The following S100PBP variants were observed in gnomAD, a reference collection of about 807,000 sequenced individuals.
S100PBP encodes the protein S100P binding protein, also known as S100P-binding protein.
In S100PBP, 15 loss-of-function variants were observed where a neutral mutation model predicts 39.9. That is an observed-to-expected ratio of 0.38 (90% CI 0.25 to 0.58). The LOEUF (loss-of-function observed/expected upper bound fraction) is 0.58, where lower values mean the gene tolerates loss of function less well. Among genes scored for constraint, S100PBP ranks in the 20% least tolerant of loss-of-function variants. The probability of loss-of-function intolerance (pLI) is 0.70; values close to 1 mark genes in which losing one functional copy is unlikely to be tolerated. For synonymous variants in S100PBP, 178 were observed against 180.3 expected (o/e 0.99, Z 0.10); for missense variants, 504 against 487.3 (o/e 1.03, Z -0.32).
intron 1 of S100PBP, among the ~76,000 whole-genome samples, chr1:32,821,672 T>C (rs1006625327): frequency 2.0e-5 from 3 of 150,862 alleles, no homozygotes; most frequent in Admixed American, 6.6e-5. Context: ...TTTTACTCTG[T>C]CACCCAGGCT....
rs1640888401 is a variant in S100PBP at position 32,858,109 on chromosome 1, T to C, written c.*2071T>C. On this transcript the variant is annotated 3_prime_UTR_variant, in exon 7 of 7. Transcript: ENST00000373475. ...TAGTTAAAATTAAATGTAGTTGGAA[T>C]AGCTAGCATTGCAGCTACAGTAGGG... The C allele has an allele frequency of 6.6e-6, 1 of 152,548 alleles. No homozygotes were observed. The highest frequency in any genetic ancestry group is 1.5e-5 in the Non-Finnish European group (1 of 68,042). The allele number at this position is 152,548 out of a possible 1,614,324, so 9.4% of individuals were successfully genotyped here. A position where few individuals can be genotyped will look rare whatever the true frequency, so the allele number is the denominator to read the frequency against.
chr1:32,843,550 A>T (rs1640218117), intron 5 of S100PBP, among the ~76,000 whole-genome samples: 2 of 151,848 alleles, frequency 1.3e-5, no homozygotes, highest in South Asian at 4.2e-4. Context: ...TCCGCCTTCC[A>T]TGTTCAAGCG....
At chr1:32,842,511 G>A (rs1022533369) in intron 5 of S100PBP, among the ~76,000 whole-genome samples, 18 of 151,682 alleles carry the variant, frequency 1.2e-4, no homozygotes, top group African/African-American at 3.6e-4. Flanking sequence ...TAGAATTAGC[G>A]TATCAATTTC....
Position 32,856,473 on chromosome 1 carries a change from A to G in S100PBP, c.*435A>G, listed in dbSNP as rs1481743316. 1 of 154,954 alleles carries G rather than the reference A, an allele frequency of 6.5e-6. No individual in the cohort carries two copies. The highest frequency in any genetic ancestry group is 1.4e-5 in the Non-Finnish European group (1 of 69,672). 9.6% of individuals were successfully genotyped at this position (154,954 alleles called of 1,614,324 possible). On this transcript the variant is annotated 3_prime_UTR_variant, in exon 7 of 7. Transcript: ENST00000373475. ...ACCAGGCTGTGAGCCAGTGTTAGAT[A>G]ACTTGTGAATGGATATAAGTTACTT...
At chr1:32,847,344 A>G (rs776483044) in intron 5 of S100PBP, 33 of 152,170 alleles carry the variant, frequency 2.2e-4, no homozygotes, top group Admixed American at 2.0e-3. Flanking sequence ...TTATAGACTT[A>G]TAAGAAGTTT....
chr1:32,834,110 C>A, intron 5 of S100PBP: 1 of 221,416 alleles, frequency 4.5e-6, no homozygotes, highest in Non-Finnish European at 1.0e-5. Context: ...CCAGATGGTC[C>A]TGCCCCAAAA....
At position 32,826,532 on chromosome 1, in the gene S100PBP, A is replaced by G. The variant is rs1418892450; in HGVS notation, c.433A>G (p.Lys145Glu). The G allele has an allele frequency of 6.2e-7, 1 of 1,613,928 alleles. No individual in the cohort carries two copies. Among genetic ancestry groups the G allele is most frequent in the Non-Finnish European group, 8.5e-7 (1 of 1,180,038 alleles). Residue 145 changes from lysine to glutamate, a missense_variant, in exon 3 of 7, where the codon AAA becomes GAA. Transcript: ENST00000373475. Reference protein sequence around the residue: ...RRSVLEKNLIKVTVAPFNPTV... With the variant: ...RRSVLEKNLIEVTVAPFNPTV... ...CTCTGTACTAGAAAAGAATCTTATA[A>G]AAGTAACTGTTGCACCATTTAATCC...
chr1:32,829,932 GT>G, intron 4 of S100PBP, 31 bp from the exon 5 acceptor site: 1 of 1,493,588 alleles, frequency 6.7e-7, no homozygotes, highest in Non-Finnish European at 9.3e-7. Flanking sequence ...CTAATGGGCT[GT>G]TTTTCTTTTT....
chr1:32,821,429 C>G (rs1156787465), intron 1 of S100PBP, among the ~76,000 whole-genome samples: 5 of 151,686 alleles, frequency 3.3e-5, no homozygotes, highest in Admixed American at 2.0e-4. Context: ...TCAAACAGTT[C>G]CCCTGCCTCA....
chr1:32,827,058 C>A, intron 3 of S100PBP, 128 bp downstream of exon 3: 1 of 636,524 alleles, frequency 1.6e-6, no homozygotes. Flanking sequence ...TCCTACACCA[C>A]AGTGGTACAT....
At chr1:32,824,152 C>T (rs1051788910) in intron 1 of S100PBP, among the ~76,000 whole-genome samples, 2 of 149,930 alleles carry the variant, frequency 1.3e-5, no homozygotes, top group Non-Finnish European at 3.0e-5. Context: ...GAGCCAAGAT[C>T]GCAAGATCGT....
At chr1:32,817,396 G>T (rs571076041), upstream of S100PBP, 8 of 916,890 alleles carry the variant, frequency 8.7e-6, no homozygotes, top group African/African-American at 1.6e-5. Context: ...GGACCCCTCC[G>T]GCAGCGGCCG....
At position 32,852,109 on chromosome 1, in the gene S100PBP, T is replaced by TG. The variant is rs1431306468; in HGVS notation, c.1025-968dup. Among the ~76,000 whole-genome samples the TG allele has an allele frequency of 7.2e-5, 11 of 152,216 alleles. No individual in the cohort carries two copies. In the East Asian group the frequency reaches 9.7e-4, roughly 13 times the overall value. On this transcript the variant is annotated intron_variant, in intron 5 of 6. Coordinates refer to ENST00000373475, the MANE Select transcript of S100PBP (RefSeq NM_022753.4). ...GGGAGGATCATTTGAGGTCAGGAAT[T>TG]GGAGTCCAGCCTCGCCAACATGATG...
Position 32,828,565 on chromosome 1 carries a change from A to T in S100PBP, c.920+484A>T, listed in dbSNP as rs557275815. Among the ~76,000 whole-genome samples the T allele has an allele frequency of 2.0e-5, 3 of 152,274 alleles. No homozygotes were observed. The South Asian group carries it at 6.2e-4, about 32-fold the overall frequency. ...CAATTTATTCTCTGGTTGCCAGGAG[A>T]TGGCAGTATCTTTACATGGTCCTTT... On this transcript the variant is annotated intron_variant, in intron 4 of 6. Coordinates refer to ENST00000373475, the MANE Select transcript of S100PBP (RefSeq NM_022753.4).
chr1:32,824,506 C>T (rs1639232832), intron 1 of S100PBP, among the ~76,000 whole-genome samples: 1 of 151,706 alleles, frequency 6.6e-6, no homozygotes. Context: ...AAAGTCCAAC[C>T]TTGACCTACC....
In S100PBP at chr1:32,828,030, G is replaced by A; in HGVS notation, c.869G>A (p.Gly290Asp). 1.2e-6 allele frequency: 2 copies of A among 1,612,022 alleles called. No homozygotes were observed. Among genetic ancestry groups the A allele is most frequent in the South Asian group, 1.1e-5 (1 of 90,954 alleles). Reference sequence around the variant, plus strand: ...AACAAGGATTCTGGGAAGATGAAAGGCCATGAGAGAAGACTAGGCAAAGTC... The same window carrying A: ...AACAAGGATTCTGGGAAGATGAAAGACCATGAGAGAAGACTAGGCAAAGTC... ...VLNKDSGKMK[G>D]HERRLGKVIP... Residue 290 changes from glycine (G) to aspartate (D), a missense_variant, in exon 4 of 7, where the codon GGC becomes GAC. By Grantham distance (94) the Gly-to-Asp change is moderately conservative. Coordinates refer to ENST00000373475, the MANE Select transcript of S100PBP (RefSeq NM_022753.4).
intron 5 of S100PBP, among the ~76,000 whole-genome samples, chr1:32,839,552 G>A (rs951963736): frequency 6.6e-6 from 1 of 152,140 alleles, no homozygotes; most frequent in Non-Finnish European, 1.5e-5. Context: ...TTTTGACATG[G>A]AGTCTAGCTC....
At position 32,853,081 on chromosome 1, in the gene S100PBP, A is replaced by G. The variant is rs971814067; in HGVS notation, c.1027A>G (p.Ile343Val). ...CCACTGATCCCTCTGTATCACAGGTATCTCGGGGGAGCTTTGTGCCTTGAT... is the reference window on the plus strand; with the variant it reads ...CCACTGATCCCTCTGTATCACAGGTGTCTCGGGGGAGCTTTGTGCCTTGAT... ...IEDPEDTNQG[I>V]SGELCALMDQ... Residue 343 changes from isoleucine to valine, a missense_variant and splice_region_variant, in exon 6 of 7, where the codon ATC becomes GTC. Coordinates refer to ENST00000373475, the MANE Select transcript of S100PBP (RefSeq NM_022753.4). 1.6e-5 allele frequency: 25 copies of G among 1,611,602 alleles called. No homozygotes were observed. The highest frequency in any genetic ancestry group is 1.9e-5 in the Non-Finnish European group (22 of 1,178,136).
At chr1:32,817,463 G>A, upstream of S100PBP, 1 of 627,198 alleles carries the variant, frequency 1.6e-6, no homozygotes, top group Non-Finnish European at 2.8e-6. Flanking sequence ...AAAAGGTGGA[G>A]CCAGTGGGCA....
Sources: gnomAD v4.1 joint callset for allele counts (sites outside exome capture counted in the v4.1 genomes callset) on GRCh38, gnomAD v4.1.1 for gene constraint, MANE v1.5 for transcripts, NCBI Gene and HGNC (gene_info 2026-07-23, HGNC 2026-07-21) for gene names.